The following FAM24B variants were observed in gnomAD, a reference collection of about 807,000 sequenced individuals.
FAM24B encodes protein FAM24B.
Under a neutral mutation model 2.3 loss-of-function variants are expected in FAM24B, and 3 were observed. The observed-to-expected ratio is 1.29, with a 90% confidence interval of 0.59 to 3.32. FAM24B has a LOEUF of 3.32. FAM24B is among the 30% of genes most tolerant of loss of function. FAM24B has a pLI of 0.03. For synonymous variants in FAM24B, 36 were observed against 46.3 expected (o/e 0.78, Z 0.90); for missense variants, 98 against 117.2 (o/e 0.84, Z 0.76).
chr10:122,876,107 C>G (rs1178293271), intron 1 of FAM24B, among the ~76,000 whole-genome samples: 1 of 152,234 alleles, frequency 6.6e-6, no homozygotes, highest in Non-Finnish European at 1.5e-5. Context: ...GCTTGCTTGG[C>G]CCTCTTCCAA....
intron 1 of FAM24B, among the ~76,000 whole-genome samples, chr10:122,862,716 C>T (rs1045956546): frequency 6.6e-6 from 1 of 152,002 alleles, no homozygotes; most frequent in Admixed American, 6.6e-5. Flanking sequence ...AACACAAATG[C>T]AAATAATAAT....
intron 1 of FAM24B, among the ~76,000 whole-genome samples, chr10:122,857,609 C>A (rs1019338601): frequency 9.9e-5 from 15 of 152,194 alleles, no homozygotes; most frequent in African/African-American, 3.6e-4. Flanking sequence ...TTTACCTCTG[C>A]TCCACAAAGG....
chr10:122,867,018 T>C (rs1847813916), intron 1 of FAM24B, among the ~76,000 whole-genome samples: 1 of 152,146 alleles, frequency 6.6e-6, no homozygotes, highest in Non-Finnish European at 1.5e-5. Context: ...TCAAAGGAAA[T>C]TAAAAGTGCT....
intron 1 of FAM24B, among the ~76,000 whole-genome samples, chr10:122,863,334 A>G (rs1286720974): frequency 7.2e-5 from 11 of 152,162 alleles, no homozygotes; most frequent in Non-Finnish European, 1.2e-4. Context: ...TTCTTAATGG[A>G]GGCAATAACA....
At chr10:122,851,712 T>C (rs1358907026) in intron 2 of FAM24B, among the ~76,000 whole-genome samples, 1 of 152,086 alleles carries the variant, frequency 6.6e-6, no homozygotes, top group Non-Finnish European at 1.5e-5. Context: ...AAAAAGCCTA[T>C]AAGAAAGTAT....
intron 1 of FAM24B, among the ~76,000 whole-genome samples, chr10:122,864,026 C>T (rs932851978): frequency 1.3e-5 from 2 of 152,158 alleles, no homozygotes; most frequent in African/African-American, 4.8e-5. Context: ...ACTCCTGCCA[C>T]AATCACAATG....
At position 122,849,455 on chromosome 10, in the gene FAM24B, A is replaced by G; in HGVS notation, c.93-16T>C. The G allele has an allele frequency of 1.3e-6, 2 of 1,595,710 alleles. No homozygotes were observed. The highest frequency in any genetic ancestry group is 8.5e-7 in the Non-Finnish European group (1 of 1,170,604). The stretch of plus-strand genomic sequence containing the variant: ...CTTTGCAGCTCTTGAGAAAAGACAC[A>G]CACAAAGCACAGGCTTAGAATTTTT... On this transcript the variant is annotated splice_polypyrimidine_tract_variant and intron_variant, in intron 3 of 3. Coordinates refer to ENST00000368898, the MANE Select transcript of FAM24B (RefSeq NM_152644.3).
At chr10:122,850,396 C>T (rs371442950) in intron 3 of FAM24B, 28 bp downstream of exon 3, 31 of 1,570,130 alleles carry the variant, frequency 2.0e-5, no homozygotes, top group East Asian at 6.7e-5. Context: ...CACTTTAGTA[C>T]GTTGTTTATT....
chr10:122,869,279 T>C (rs1458484430), intron 1 of FAM24B, among the ~76,000 whole-genome samples: 5 of 152,206 alleles, frequency 3.3e-5, no homozygotes, highest in Non-Finnish European at 7.3e-5. Flanking sequence ...CCCAGATTCA[T>C]AAAGCAAGTC....
intron 1 of FAM24B, among the ~76,000 whole-genome samples, chr10:122,872,702 C>T (rs1191674898): frequency 4.6e-5 from 7 of 151,920 alleles, no homozygotes; most frequent in South Asian, 2.1e-4. Context: ...AACCAAACAC[C>T]GCATGTTCTC....
intron 1 of FAM24B, among the ~76,000 whole-genome samples, chr10:122,863,438 G>A (rs568978118): frequency 1.3e-5 from 2 of 152,180 alleles, no homozygotes; most frequent in Admixed American, 6.5e-5. Context: ...AGCAAATCTG[G>A]TTCCAGAGGC....
chr10:122,869,429 T>C (rs1383298128), intron 1 of FAM24B, among the ~76,000 whole-genome samples: 1 of 152,108 alleles, frequency 6.6e-6, no homozygotes, highest in African/African-American at 2.4e-5. Context: ...CTGCACCAAG[T>C]GGACCTAACA....
At chr10:122,856,358 A>G (rs1422426409) in intron 1 of FAM24B, among the ~76,000 whole-genome samples, 1 of 152,054 alleles carries the variant, frequency 6.6e-6, no homozygotes, top group Non-Finnish European at 1.5e-5. Flanking sequence ...CTAAGCAGAC[A>G]GTGCCAATTA....
chr10:122,864,684 T>C (rs544982341), intron 1 of FAM24B, among the ~76,000 whole-genome samples: 5 of 152,190 alleles, frequency 3.3e-5, no homozygotes, highest in Non-Finnish European at 7.3e-5. Flanking sequence ...CAGATTAATT[T>C]TGCCCCCAAA....
intron 2 of FAM24B, among the ~76,000 whole-genome samples, chr10:122,855,091 C>A (rs1847615676): frequency 6.6e-6 from 1 of 152,196 alleles, no homozygotes; most frequent in Non-Finnish European, 1.5e-5. Context: ...ATGGCCCTGG[C>A]AAATGCCATG....
At chr10:122,877,355 G>A (rs1217642091) in intron 1 of FAM24B, among the ~76,000 whole-genome samples, 1 of 152,076 alleles carries the variant, frequency 6.6e-6, no homozygotes, top group African/African-American at 2.4e-5. Context: ...GGGAAGTGGT[G>A]GAGGTCGCTA....
chr10:122,858,558 A>T (rs1023881425), intron 1 of FAM24B, among the ~76,000 whole-genome samples: 2 of 151,976 alleles, frequency 1.3e-5, no homozygotes, highest in East Asian at 1.9e-4. Flanking sequence ...GTAATAATAA[A>T]AAAAAAAGAG....
chr10:122,875,747 A>AT (rs980434685), intron 1 of FAM24B, among the ~76,000 whole-genome samples: 8 of 105,500 alleles, frequency 7.6e-5, no homozygotes, highest in African/African-American at 2.7e-4. Context: ...CAGTCTCCTA[A>AT]TTAAAAAAAA....
At chr10:122,865,856 G>T (rs1035088723) in intron 1 of FAM24B, among the ~76,000 whole-genome samples, 1 of 150,474 alleles carries the variant, frequency 6.6e-6, no homozygotes, top group Non-Finnish European at 1.5e-5. Flanking sequence ...GTATCTTTCA[G>T]GAAATTGATC....
Sources: allele counts gnomAD v4.1 joint callset (sites outside exome capture counted in the v4.1 genomes callset), GRCh38; gene constraint gnomAD v4.1.1; transcripts MANE v1.5; gene names NCBI Gene and HGNC (gene_info 2026-07-23, HGNC 2026-07-21).